TMEM132D: variants seen among roughly 807,000 people sequenced by gnomAD.
The protein encoded by TMEM132D is mature OL transmembrane protein.
A neutral mutation model predicts 62.3 loss-of-function variants in TMEM132D; 21 were observed. The observed-to-expected ratio is 0.34, with a 90% confidence interval of 0.24 to 0.49. The LOEUF (loss-of-function observed/expected upper bound fraction) is 0.49. Ranked by LOEUF, TMEM132D falls within the 20% of genes least tolerant of loss-of-function variation. The pLI is 0.99. For missense variants in TMEM132D, 1,346 were observed against 1,402.8 expected, an observed-to-expected ratio of 0.96 and a Z score of 0.65; for synonymous variants, 621 against 575.6, an observed-to-expected ratio of 1.08 and a Z score of -1.13.
chr12:129,564,964 C>G (rs1280295932), intron 2 of TMEM132D, among the ~76,000 whole-genome samples: 1 of 152,096 alleles, frequency 6.6e-6, no homozygotes, highest in East Asian at 1.9e-4. Context: ...AGGAGAAATA[C>G]CTATGCAGGA....
chr12:129,529,540 T>G lies in TMEM132D; in HGVS notation c.1115+1519A>C, dbSNP rs558586072. Among the ~76,000 whole-genome samples, 31 of 152,364 alleles carry G rather than the reference T, an allele frequency of 2.0e-4. No individual in the cohort carries two copies. In the South Asian group the frequency reaches 6.2e-3, roughly 31 times the overall value. On this transcript the variant is annotated intron_variant, in intron 3 of 8. Coordinates refer to ENST00000422113, the MANE Select transcript of TMEM132D (RefSeq NM_133448.3). Reference sequence around the variant, plus strand: ...AATATTTTCTAATGGTTCAACTCCCTCAGTCTCTCATAGACAAGACTACAA... The same window carrying G: ...AATATTTTCTAATGGTTCAACTCCCGCAGTCTCTCATAGACAAGACTACAA...
intron 2 of TMEM132D, among the ~76,000 whole-genome samples, chr12:129,578,760 G>A (rs1351710990): frequency 4.6e-5 from 7 of 152,036 alleles, no homozygotes; most frequent in African/African-American, 9.7e-5. Context: ...GGCAGGAGAC[G>A]ACTGATGTCC....
At chr12:129,515,465 C>A (rs188268358) in intron 3 of TMEM132D, among the ~76,000 whole-genome samples, 12 of 152,288 alleles carry the variant, frequency 7.9e-5, no homozygotes, top group African/African-American at 2.6e-4. Context: ...AGAGTGACTT[C>A]TATTACTGAA....
At chr12:129,280,978 T>G (rs1881128579) in intron 4 of TMEM132D, among the ~76,000 whole-genome samples, 1 of 152,048 alleles carries the variant, frequency 6.6e-6, no homozygotes, top group Non-Finnish European at 1.5e-5. Flanking sequence ...ATTTTGAAAT[T>G]TATTTTCTTA....
intron 1 of TMEM132D, among the ~76,000 whole-genome samples, chr12:129,873,206 T>G (rs1364206569): frequency 6.6e-6 from 1 of 152,170 alleles, no homozygotes; most frequent in African/African-American, 2.4e-5. Flanking sequence ...ATCAGACATA[T>G]GCAGCACGGA....
At chr12:129,902,985 G>C (rs953217818) in intron 1 of TMEM132D, among the ~76,000 whole-genome samples, 4 of 152,096 alleles carry the variant, frequency 2.6e-5, no homozygotes, top group African/African-American at 9.7e-5. Context: ...AGGCTTTCAG[G>C]AAACAGCCTT....
At chr12:129,812,676 G>A (rs1362751897) in intron 1 of TMEM132D, among the ~76,000 whole-genome samples, 4 of 151,648 alleles carry the variant, frequency 2.6e-5, no homozygotes, top group African/African-American at 7.3e-5. Context: ...GTATTGATAC[G>A]TGCCTCTCTC....
intron 4 of TMEM132D, among the ~76,000 whole-genome samples, chr12:129,331,368 G>A (rs1190741963): frequency 1.3e-5 from 2 of 152,200 alleles, no homozygotes; most frequent in Non-Finnish European, 2.9e-5. Context: ...CCAGGTCCCT[G>A]TAGGGCTGGA....
intron 5 of TMEM132D, among the ~76,000 whole-genome samples, chr12:129,188,656 G>A (rs1878285510): frequency 6.6e-6 from 1 of 151,226 alleles, no homozygotes; most frequent in South Asian, 2.1e-4. Context: ...GCAGAGGATG[G>A]ATATTTGAAG....
At chr12:129,885,640 T>G (rs776789582) in intron 1 of TMEM132D, among the ~76,000 whole-genome samples, 9 of 152,240 alleles carry the variant, frequency 5.9e-5, no homozygotes, top group Non-Finnish European at 8.8e-5. Context: ...AATAGAACAC[T>G]TTTTAAACTC....
At chr12:129,075,109 A>G (rs920034278) in intron 8 of TMEM132D, 50 bp from the exon 9 acceptor site, 2 of 1,503,946 alleles carry the variant, frequency 1.3e-6, no homozygotes, top group Non-Finnish European at 9.0e-7. Flanking sequence ...AAGCTCATTG[A>G]GCCCCAAGTC....
intron 5 of TMEM132D, among the ~76,000 whole-genome samples, chr12:129,201,993 G>A (rs916817835): frequency 1.4e-5 from 2 of 146,510 alleles, no homozygotes; most frequent in African/African-American, 5.0e-5. Context: ...TGCTTTCACT[G>A]GGGACCTGTT....
Position 129,863,545 on chromosome 12 carries a change from G to A in TMEM132D, c.79+39716C>T, listed in dbSNP as rs13377652. ...TAAAATATCAACTTTGCTAAAGCAGGCCTTAAAATCTCCCATTCAAGCAAA... is the reference window on the plus strand; with the variant it reads ...TAAAATATCAACTTTGCTAAAGCAGACCTTAAAATCTCCCATTCAAGCAAA... On this transcript the variant is annotated intron_variant, in intron 1 of 8. Transcript: ENST00000422113. Among the ~76,000 whole-genome samples, 658 of 152,152 alleles carry A rather than the reference G, an allele frequency of 4.3e-3. 4 individuals carry two copies. Among genetic ancestry groups the A allele is most frequent in the African/African-American group, 0.015 (634 of 41,498 alleles).
At chr12:129,878,754 A>C (rs1037638606) in intron 1 of TMEM132D, among the ~76,000 whole-genome samples, 5 of 151,688 alleles carry the variant, frequency 3.3e-5, no homozygotes, top group Non-Finnish European at 7.4e-5. Context: ...TTTTTAGTAC[A>C]GAAAGGGTTT....
intron 3 of TMEM132D, among the ~76,000 whole-genome samples, chr12:129,358,275 G>A (rs570437960): frequency 3.9e-5 from 6 of 151,972 alleles, no homozygotes; most frequent in East Asian, 1.9e-4. Context: ...TCATTCAATC[G>A]TTCAGTCATT....
intron 1 of TMEM132D, among the ~76,000 whole-genome samples, chr12:129,861,575 A>G (rs1873899043): frequency 6.6e-6 from 1 of 152,146 alleles, no homozygotes; most frequent in Non-Finnish European, 1.5e-5. Flanking sequence ...AGCCTGGCCA[A>G]CATGGCGAAA....
chr12:129,370,642 TAATGGATA>T (rs1407520967), intron 3 of TMEM132D, among the ~76,000 whole-genome samples: 2 of 152,244 alleles, frequency 1.3e-5, no homozygotes. Flanking sequence ...AAGTGTTCAT[TAATGGATA>T]AATGGATAAA....
At chr12:129,141,781 G>C (rs1229388767) in intron 5 of TMEM132D, among the ~76,000 whole-genome samples, 2 of 152,018 alleles carry the variant, frequency 1.3e-5, no homozygotes, top group African/African-American at 2.4e-5. Flanking sequence ...GAGGGAGGAA[G>C]GGGGAGCAAA....
intron 3 of TMEM132D, among the ~76,000 whole-genome samples, chr12:129,434,475 T>C (rs927246118): frequency 6.6e-6 from 1 of 152,158 alleles, no homozygotes; most frequent in African/African-American, 2.4e-5. Flanking sequence ...TACTACAAGT[T>C]GTTCTACATA....
Sources: gnomAD v4.1 joint callset for allele counts (sites outside exome capture counted in the v4.1 genomes callset) on GRCh38, gnomAD v4.1.1 for gene constraint, MANE v1.5 for transcripts, NCBI Gene and HGNC (gene_info 2026-07-23, HGNC 2026-07-21) for gene names.